Variants in MME observed in about 807,000 individuals in gnomAD.
MME encodes the protein neprilysin.
Under a neutral mutation model 113.2 loss-of-function variants are expected in MME, and 98 were observed. That is an observed-to-expected ratio of 0.87 (90% CI 0.74 to 1.02). The LOEUF is 1.02. Ranked by LOEUF, MME falls within the 50% of genes least tolerant of loss-of-function variation. The pLI, the probability that MME is intolerant of heterozygous loss-of-function variation, is 0.00. For missense variants in MME, 836 were observed against 896.0 expected (o/e 0.93, Z 0.86); for synonymous variants, 292 against 300.6 (o/e 0.97, Z 0.30).
At chr3:155,104,864 A>G (rs528119406) in intron 3 of MME, among the ~76,000 whole-genome samples, 37 of 152,360 alleles carry the variant, frequency 2.4e-4, no homozygotes, top group Non-Finnish European at 3.8e-4. Context: ...GATATATTGT[A>G]TTTAAATTAC....
intron 1 of MME, among the ~76,000 whole-genome samples, chr3:155,048,784 T>G (rs1172899905): frequency 6.6e-6 from 1 of 152,158 alleles, no homozygotes; most frequent in African/African-American, 2.4e-5. Context: ...ATTTTGTCTT[T>G]GAATATTTTT....
intron 13 of MME, among the ~76,000 whole-genome samples, chr3:155,143,905 A>T (rs1203282035): frequency 6.6e-6 from 1 of 152,168 alleles, no homozygotes; most frequent in Admixed American, 6.6e-5. Context: ...GTATTTTCTT[A>T]AAAACATAGA....
rs201931193 is a variant in MME, at chr3:155,118,828, T to C, written c.720+17T>C. The C allele has an allele frequency of 6.8e-7, 1 of 1,477,772 alleles. No individual in the cohort carries two copies. Among genetic ancestry groups the C allele is most frequent in the Non-Finnish European group, 9.4e-7 (1 of 1,064,756 alleles). 91.5% of individuals were successfully genotyped at this position (1,477,772 alleles called of 1,614,324 possible). ...TATAAAGAGGTAAAAAGAAAAAAAA[T>C]AATCAAAACCAAACTACAAAATGAT... On this transcript the variant is annotated intron_variant, in intron 8 of 22. Transcript: ENST00000360490.
Position 155,116,548 on chromosome 3 carries a change from G to A in MME, c.428G>A (p.Cys143Tyr), listed in dbSNP as rs879255651. Residue 143 changes from cysteine (C) to tyrosine (Y), a missense_variant, in exon 5 of 23, where the codon TGT (cysteine) becomes TAT (tyrosine). Physicochemically the swap from Cys to Tyr is radical, Grantham distance 194 (BLOSUM62 -2). Transcript: ENST00000360490. ...AAAGCAAAAGCATTGTACAGGTCTT[G>A]TATAAATGAATGTAAGTGCTCTTCA... The part of the protein sequence containing the change: ...VQKAKALYRS[C>Y]INESAIDSRG... The A allele has an allele frequency of 1.9e-6, 3 of 1,609,000 alleles. No homozygotes were observed. Among genetic ancestry groups the A allele is most frequent in the Non-Finnish European group, 1.7e-6 (2 of 1,176,142 alleles).
chr3:155,117,357 A>G lies in MME; in HGVS notation c.654+371A>G, dbSNP rs551042449. On this transcript the variant is annotated intron_variant, in intron 7 of 22. Coordinates refer to ENST00000360490, the MANE Select transcript of MME (RefSeq NM_007289.4). The stretch of plus-strand genomic sequence containing the variant: ...ATGCAGGTCTAGAAACCAAAAAATA[A>G]TAATTGCTTTCAAAAAGAACACAGA... Among the ~76,000 whole-genome samples the G allele has an allele frequency of 5.3e-5, 8 of 152,340 alleles. No homozygotes were observed. In the South Asian group the frequency reaches 1.4e-3, roughly 28 times the overall value.
intron 1 of MME, among the ~76,000 whole-genome samples, chr3:155,046,496 TG>T (rs1258626299): frequency 1.1e-4 from 16 of 152,186 alleles, no homozygotes; most frequent in Non-Finnish European, 2.1e-4. Context: ...AAGACCAGCC[TG>T]GCCAACATGG....
chr3:155,107,757 A>G (rs1343097597), intron 3 of MME, among the ~76,000 whole-genome samples: 1 of 152,208 alleles, frequency 6.6e-6, no homozygotes, highest in Non-Finnish European at 1.5e-5. Flanking sequence ...GAGTCTTTCT[A>G]CACACATGTA....
intron 7 of MME, among the ~76,000 whole-genome samples, chr3:155,118,416 T>G (rs1037544487): frequency 6.6e-6 from 1 of 152,212 alleles, no homozygotes; most frequent in Admixed American, 6.5e-5. Context: ...ATTTAGAAAT[T>G]TCCACGTCCT....
intron 1 of MME, among the ~76,000 whole-genome samples, chr3:155,082,848 T>G (rs1715275183): frequency 6.6e-6 from 1 of 152,210 alleles, no homozygotes; most frequent in Non-Finnish European, 1.5e-5. Context: ...ATGTTTCTTC[T>G]TTCTCCTATG....
intron 8 of MME, among the ~76,000 whole-genome samples, chr3:155,127,515 G>A (rs1719784764): frequency 6.6e-6 from 1 of 152,182 alleles, no homozygotes; most frequent in Admixed American, 6.5e-5. Flanking sequence ...AAAGGAGGCA[G>A]GAAAATGTAG....
chr3:155,036,769 A>G (rs1255020197), intron 1 of MME, among the ~76,000 whole-genome samples: 1 of 152,010 alleles, frequency 6.6e-6, no homozygotes, highest in East Asian at 1.9e-4. Context: ...TGATTAATCA[A>G]ATTTCTTCTA....
intron 14 of MME, among the ~76,000 whole-genome samples, chr3:155,145,200 A>G (rs949133707): frequency 1.3e-5 from 2 of 152,112 alleles, no homozygotes; most frequent in Non-Finnish European, 2.9e-5. Context: ...CTCTTCAGAC[A>G]TTCAGGTTGG....
In MME at chr3:155,130,039, T is replaced by G. The variant is rs568619817; in HGVS notation, c.721-8063T>G. Among the ~76,000 whole-genome samples, 8 of 152,302 alleles carry G rather than the reference T, an allele frequency of 5.3e-5. No homozygotes were observed. The East Asian group carries it at 1.5e-3, about 29-fold the overall frequency. On this transcript the variant is annotated intron_variant, in intron 8 of 22. Coordinates refer to ENST00000360490, the MANE Select transcript of MME (RefSeq NM_007289.4). ...TCTCAAAGCTTCCCTTTCTCTACCT[T>G]CTTAGCTTTTCAAGAGCAATTGTTA...
chr3:155,178,392 T>A (rs1712767920), intron 22 of MME, among the ~76,000 whole-genome samples: 1 of 152,118 alleles, frequency 6.6e-6, no homozygotes, highest in South Asian at 2.1e-4. Flanking sequence ...TTTTCTGGAA[T>A]GAGGAAAGGG....
chr3:155,087,250 T>TTG (rs1491191230), intron 3 of MME, among the ~76,000 whole-genome samples: 1 of 72,596 alleles, frequency 1.4e-5, no homozygotes, highest in Non-Finnish European at 2.5e-5. Flanking sequence ...TGCCCTTTGG[T>TTG]TTTTTTTTTT....
At chr3:155,077,815 C>A (rs182869005), upstream of MME, among the ~76,000 whole-genome samples, 483 of 152,074 alleles carry the variant, frequency 3.2e-3, no homozygotes, top group African/African-American at 0.011. Context: ...ATACTGTCGA[C>A]TATCAGCTGA....
intron 3 of MME, among the ~76,000 whole-genome samples, chr3:155,110,182 T>A (rs1415142465): frequency 1.3e-5 from 2 of 152,194 alleles, no homozygotes; most frequent in Admixed American, 1.3e-4. Flanking sequence ...AGGAGGGCCC[T>A]GCAAGGTGCT....
chr3:155,171,362 A>G (rs1433959992), intron 20 of MME, among the ~76,000 whole-genome samples: 1 of 152,158 alleles, frequency 6.6e-6, no homozygotes, highest in East Asian at 1.9e-4. Context: ...AAGAAATGAA[A>G]TATATTTTCT....
At chr3:155,101,952 A>G (rs1458845150) in intron 3 of MME, among the ~76,000 whole-genome samples, 2 of 152,224 alleles carry the variant, frequency 1.3e-5, no homozygotes, top group Admixed American at 6.5e-5. Flanking sequence ...TTGTATGCCA[A>G]CACAGACAGC....
Sources: allele counts gnomAD v4.1 joint callset (sites outside exome capture counted in the v4.1 genomes callset), GRCh38; gene constraint gnomAD v4.1.1; transcripts MANE v1.5; gene names NCBI Gene and HGNC (gene_info 2026-07-23, HGNC 2026-07-21).